The following SELENOV variants were observed in gnomAD, a reference collection of about 807,000 sequenced individuals.
SELENOV encodes the protein selenoprotein V.
A neutral mutation model predicts 21.6 loss-of-function variants in SELENOV; 25 were observed. The observed-to-expected ratio is 1.16, with a 90% CI of 0.84 to 1.62. The LOEUF (loss-of-function observed/expected upper bound fraction) is 1.62, where lower values mean the gene tolerates loss of function less well. SELENOV is among the 40% of genes most tolerant of loss of function. The pLI is 0.00. For missense variants in SELENOV, 472 were observed against 459.0 expected (o/e 1.03, Z -0.26); for synonymous variants, 227 against 216.9 (o/e 1.05, Z -0.41).
chr19:39,515,640 C>A lies in SELENOV; in HGVS notation c.428C>A (p.Ser143Tyr), dbSNP rs552232604. 12 of 1,548,336 alleles carry A rather than the reference C, an allele frequency of 7.8e-6. No individual in the cohort carries two copies. The African/African-American group carries it at 1.5e-4, about 19-fold the overall frequency. The change falls in exon 1 of 6, where the codon TCC (serine) becomes TAC (tyrosine). Residue 143 changes from serine to tyrosine, a missense_variant. Physicochemically the swap from Ser to Tyr is moderately radical, Grantham distance 144 (BLOSUM62 -2). Transcript: ENST00000335426. The surrounding 1 kb of genome is among the most constrained non-coding windows in gnomAD (Gnocchi z 5.1). ...CGGGCCGCGCTCCCCGTCTTGGACT[C>A]CTACCTGGCCCCGGCCCTACCTTTG...
At chr19:39,519,076 T>C in exon 5 of SELENOV, 1 of 1,613,216 alleles carries the variant, frequency 6.2e-7, no homozygotes, top group Non-Finnish European at 8.5e-7. Flanking sequence ...CCCAGAGGGG[T>C]GATGGCTTTG....
In SELENOV at chr19:39,515,678, G is replaced by T. The variant is rs1275757012; in HGVS notation, c.466G>T (p.Glu156Ter). 15 of 1,548,676 alleles carry T rather than the reference G, an allele frequency of 9.7e-6. No homozygotes were observed. The highest frequency in any genetic ancestry group is 1.3e-5 in the Non-Finnish European group (15 of 1,146,820). ...GGCCCTACCTTTGGATCCGCCCCCG[G>T]AACCTGCTCCGGAGCTGCCTTTGTT... Residue 156 changes from glutamate to a stop codon, truncating the protein, a stop_gained, in exon 1 of 6, where the codon GAA (glutamate) becomes TAA (stop). Coordinates refer to ENST00000335426, the Ensembl canonical transcript of SELENOV. LOFTEE classifies it high-confidence loss of function. The surrounding 1 kb of genome is among the most constrained non-coding windows in gnomAD (Gnocchi z 5.1).
At chr19:39,517,364 T>A (rs184647870) in intron 1 of SELENOV, among the ~76,000 whole-genome samples, 3 of 152,198 alleles carry the variant, frequency 2.0e-5, no homozygotes, top group African/African-American at 7.2e-5. Context: ...GACACAGCAG[T>A]GAACAAGACC....
At chr19:39,519,169 A>C in exon 5 of SELENOV, 1 of 1,610,682 alleles carries the variant, frequency 6.2e-7, no homozygotes, top group South Asian at 1.1e-5. Flanking sequence ...GTGGAGCTGG[A>C]GGTGAGCGTG....
At chr19:39,519,257 A>T (rs2079716605) in intron 5 of SELENOV, 87 bp downstream of exon 5, 4 of 894,782 alleles carry the variant, frequency 4.5e-6, no homozygotes, top group Middle Eastern at 6.4e-4. Flanking sequence ...TCCTGATCCT[A>T]GCTCAGCCGG....
rs767175847 is a variant in SELENOV at position 39,518,800 on chromosome 19, G to T, written c.888+7G>T. The stretch of plus-strand genomic sequence containing the variant: ...TCCGAATCACCTACTCTTTGTAAGT[G>T]TGTGGGGGTCCTGGGGGAGAGGGGG... On this transcript the variant is annotated splice_region_variant and intron_variant, in intron 3 of 5. Transcript: ENST00000335426. The T allele has an allele frequency of 6.8e-6, 11 of 1,613,722 alleles. No individual in the cohort carries two copies. Among genetic ancestry groups the T allele is most frequent in the Non-Finnish European group, 8.5e-6 (10 of 1,179,816 alleles).
chr19:39,518,554 C>T (rs764698989), intron 1 of SELENOV, 54 bp from the exon 2 acceptor site: 24 of 1,544,238 alleles, frequency 1.6e-5, no homozygotes, highest in Non-Finnish European at 2.0e-5. Flanking sequence ...GATACTGATG[C>T]GGTGTCTTCC....
intron 3 of SELENOV, 35 bp downstream of exon 3, chr19:39,518,828 G>A (rs2079713305): frequency 1.9e-6 from 3 of 1,611,972 alleles, no homozygotes; most frequent in Non-Finnish European, 2.5e-6. Flanking sequence ...AGAGGGGGGT[G>A]GTCAGGGATC....
intron 1 of SELENOV, among the ~76,000 whole-genome samples, chr19:39,516,446 A>C (rs1600763463): frequency 2.7e-5 from 4 of 146,752 alleles, no homozygotes; most frequent in East Asian, 2.0e-4. Flanking sequence ...TCTCTCTCTC[A>C]CTTCCTCCTC....
At chr19:39,516,289 C>G (rs1292563825) in intron 1 of SELENOV, 1 of 639,966 alleles carries the variant, frequency 1.6e-6, no homozygotes, top group Admixed American at 2.1e-5. Context: ...CAGGCCTGTG[C>G]TAGAGATGGG....
At chr19:39,519,836 G>A (rs1443382928) in intron 5 of SELENOV, among the ~76,000 whole-genome samples, 3 of 151,772 alleles carry the variant, frequency 2.0e-5, no homozygotes, top group Non-Finnish European at 4.4e-5. Context: ...GTGGTGGCGG[G>A]TGCCTGTAGT....
rs2079691235 is a variant in SELENOV at position 39,515,571 on chromosome 19, T to TCCGGGTCCCAGCCCCAGCCCCAGC, written c.362_385dup (p.Arg121_Ala128dup). On this transcript the variant is annotated inframe_insertion, in exon 1 of 6. Coordinates refer to ENST00000335426, the Ensembl canonical transcript of SELENOV. This position sits in a 1 kb window ranked among gnomAD's most constrained non-coding sequence, Gnocchi z 5.1. ...CCGGCTCGGACCCTGACTCCTCCAG[T>TCCGGGTCCCAGCCCCAGCCCCAGC]CCGGGTCCCAGCCCCAGCCCCAGCC... 1 of 1,549,394 alleles carries TCCGGGTCCCAGCCCCAGCCCCAGC rather than the reference T, an allele frequency of 6.5e-7. No individual in the cohort carries two copies. Among genetic ancestry groups the TCCGGGTCCCAGCCCCAGCCCCAGC allele is most frequent in the East Asian group, 2.4e-5 (1 of 40,890 alleles).
At position 39,515,405 on chromosome 19, in the gene SELENOV, G is replaced by T; in HGVS notation, c.193G>T (p.Ala65Ser). The change falls in exon 1 of 6, where the codon GCT (alanine) becomes TCT (serine). Residue 65 changes from alanine to serine, a missense_variant. Ala to Ser is a moderately conservative substitution (Grantham distance 99, BLOSUM62 1). Transcript: ENST00000335426. This position sits in a 1 kb window ranked among gnomAD's most constrained non-coding sequence, Gnocchi z 5.1. ...GACTTCCCCTCTGGTCCTGACTCCT[G>T]CTCCAGCCCAGATTCCCACTCTGGT... 6.4e-7 allele frequency: 1 copy of T among 1,551,488 alleles called. No homozygotes were observed.
rs868751192 is a variant in SELENOV at position 39,515,907 on chromosome 19, C to T, written c.695C>T (p.Pro232Leu). The change falls in exon 1 of 6, where the codon CCC becomes CTC. Residue 232 changes from proline (P) to leucine (L), a missense_variant. Physicochemically the swap from Pro to Leu is moderately conservative, Grantham distance 98 (BLOSUM62 -3). Transcript: ENST00000335426. This position sits in a 1 kb window ranked among gnomAD's most constrained non-coding sequence, Gnocchi z 5.1. ...CCCATTCCCAGTCCTGTCCCCTCGC[C>T]CATCCTGGGGACCATCCCGTCGGCC... is the stretch of plus-strand genomic sequence containing the variant. 2 of 1,593,728 alleles carry T rather than the reference C, an allele frequency of 1.3e-6. No individual in the cohort carries two copies. Among genetic ancestry groups the T allele is most frequent in the East Asian group, 4.6e-5 (2 of 43,890 alleles).
chr19:39,515,860 G>A lies in SELENOV; in HGVS notation c.648G>A (p.Ser216=). The A allele has an allele frequency of 6.4e-7, 1 of 1,554,166 alleles. No individual in the cohort carries two copies. Among genetic ancestry groups the A allele is most frequent in the Non-Finnish European group, 8.7e-7 (1 of 1,148,956 alleles). Residue 216 remains serine (S), a synonymous_variant, in exon 1 of 6, where the codon TCG becomes TCA. Coordinates refer to ENST00000335426, the Ensembl canonical transcript of SELENOV. This position sits in a 1 kb window ranked among gnomAD's most constrained non-coding sequence, Gnocchi z 5.1. Reference sequence around the variant, plus strand: ...ACTTCACCTTCAGGGCAGACCCGTCGGCCATCGGGCTGGCGGATCCCCCCA... The same window carrying A: ...ACTTCACCTTCAGGGCAGACCCGTCAGCCATCGGGCTGGCGGATCCCCCCA...
At position 39,515,879 on chromosome 19, in the gene SELENOV, C is replaced by A. The variant is rs919701509; in HGVS notation, c.667C>A (p.Pro223Thr). The A allele has an allele frequency of 5.8e-6, 9 of 1,562,760 alleles. No individual in the cohort carries two copies. The highest frequency in any genetic ancestry group is 7.8e-6 in the Non-Finnish European group (9 of 1,154,096). Residue 223 changes from proline to threonine, a missense_variant, in exon 1 of 6, where the codon CCC (proline) becomes ACC (threonine). Pro to Thr is a conservative substitution (Grantham distance 38). Transcript: ENST00000335426. This position sits in a 1 kb window ranked among gnomAD's most constrained non-coding sequence, Gnocchi z 5.1. ...CCCGTCGGCCATCGGGCTGGCGGAT[C>A]CCCCCATTCCCAGTCCTGTCCCCTC...
In SELENOV at chr19:39,515,988, T is replaced by C. The variant is rs145756298; in HGVS notation, c.776T>C (p.Leu259Pro). The change falls in exon 1 of 6, where the codon CTG becomes CCG. Residue 259 changes from leucine to proline, a missense_variant. Physicochemically the swap from Leu to Pro is moderately conservative, Grantham distance 98. Transcript: ENST00000335426. This position sits in a 1 kb window ranked among gnomAD's most constrained non-coding sequence, Gnocchi z 5.1. ...CCCTCCTCCAGCGAGAACTTCGCGC[T>C]GGACAAGAGGGTCCTGATTCGAGTG... The C allele has an allele frequency of 3.1e-3, 4,986 of 1,602,604 alleles. 6 individuals are homozygous for C. Among genetic ancestry groups the C allele is most frequent in the Non-Finnish European group, 3.9e-3 (4,527 of 1,175,106 alleles).
intron 1 of SELENOV, among the ~76,000 whole-genome samples, chr19:39,517,542 C>T (rs1184588672): frequency 6.6e-6 from 1 of 152,046 alleles, no homozygotes; most frequent in East Asian, 1.9e-4. Flanking sequence ...GAAGGCCTCA[C>T]TGAGAAGGGG....
exon 4 of SELENOV, chr19:39,518,913 G>A: frequency 2.5e-6 from 4 of 1,613,934 alleles, no homozygotes; most frequent in Non-Finnish European, 3.4e-6. Context: ...GAGGAGGACA[G>A]AGCTGCCCAG....
Sources: allele counts gnomAD v4.1 joint callset (sites outside exome capture counted in the v4.1 genomes callset), GRCh38; gene constraint gnomAD v4.1.1; non-coding constraint Gnocchi (gnomAD v3.1); transcripts MANE v1.5; gene names NCBI Gene and HGNC (gene_info 2026-07-23, HGNC 2026-07-21).